The following GRIK1 variants were observed in gnomAD, a reference collection of about 807,000 sequenced individuals.
GRIK1 encodes the protein glutamate receptor ionotropic, kainate 1.
A neutral mutation model predicts 105.7 loss-of-function variants in GRIK1; 69 were observed. The ratio of observed to expected loss-of-function variants is 0.65; its 90% CI spans 0.54 to 0.80. GRIK1 has a LOEUF of 0.80. GRIK1 is among the 30% of genes least tolerant of loss of function. The pLI, the probability that GRIK1 is intolerant of heterozygous loss-of-function variation, is 0.00. For missense variants in GRIK1, 1,109 were observed against 1,167.3 expected, an observed-to-expected ratio of 0.95 and a Z score of 0.73; for synonymous variants, 438 against 431.3, an observed-to-expected ratio of 1.02 and a Z score of -0.19.
intron 9 of GRIK1, among the ~76,000 whole-genome samples, chr21:29,595,595 G>A: frequency 6.6e-6 from 1 of 152,142 alleles, no homozygotes; most frequent in East Asian, 1.9e-4. Context: ...CTGTGACATA[G>A]CTGATAATTT....
intron 3 of GRIK1, among the ~76,000 whole-genome samples, chr21:29,684,287 TATCTATCTATC>T (rs1328383498): frequency 2.8e-5 from 4 of 141,466 alleles, no homozygotes; most frequent in Non-Finnish European, 6.4e-5. Context: ...TCTATCTATC[TATCTATCTATC>T]ATCTATCTAC....
intron 1 of GRIK1, among the ~76,000 whole-genome samples, chr21:29,714,231 T>C (rs1224372214): frequency 6.6e-6 from 1 of 152,152 alleles, no homozygotes; most frequent in Non-Finnish European, 1.5e-5. Context: ...CTTTACACAC[T>C]CTTCCCATGA....
chr21:29,939,753 C>T lies in GRIK1; in HGVS notation c.-253G>A. ...CTCCTCCTCCTCCTCTTCCATGGGC[C>T]GCAGACCGCGGAGGATCAGCGCTCT... On this transcript the variant is annotated 5_prime_UTR_variant, in exon 1 of 18. Coordinates refer to ENST00000327783, the MANE Select transcript of GRIK1 (RefSeq NM_001330994.2). 2.7e-6 allele frequency: 1 copy of T among 367,270 alleles called. No individual in the cohort carries two copies. Among genetic ancestry groups the T allele is most frequent in the Non-Finnish European group, 4.9e-6 (1 of 205,730 alleles). 22.8% of individuals were successfully genotyped at this position (367,270 alleles called of 1,614,324 possible).
chr21:29,853,091 A>AT (rs1437503661), intron 1 of GRIK1, among the ~76,000 whole-genome samples: 4 of 152,218 alleles, frequency 2.6e-5, no homozygotes, highest in African/African-American at 9.6e-5. Flanking sequence ...TCACTGAACA[A>AT]TTTAAGTAAA....
chr21:29,803,146 A>G (rs1459285493), intron 1 of GRIK1, among the ~76,000 whole-genome samples: 3 of 152,146 alleles, frequency 2.0e-5, no homozygotes, highest in Admixed American at 2.0e-4. Context: ...TGGTGGTCAG[A>G]TGTAAAGTAA....
chr21:29,588,698 C>G (rs576204891), intron 11 of GRIK1, 141 bp downstream of exon 11: 85 of 618,382 alleles, frequency 1.4e-4, no homozygotes, highest in African/African-American at 1.2e-3. Flanking sequence ...TAAGCAAACT[C>G]CATTTCCAGG....
intron 13 of GRIK1, among the ~76,000 whole-genome samples, chr21:29,577,561 T>C (rs945055524): frequency 6.6e-6 from 1 of 152,246 alleles, no homozygotes; most frequent in African/African-American, 2.4e-5. Flanking sequence ...TTTGTATAAC[T>C]ATGAAAATAT....
intron 1 of GRIK1, among the ~76,000 whole-genome samples, chr21:29,872,512 A>G (rs1012738206): frequency 6.6e-6 from 1 of 152,118 alleles, no homozygotes; most frequent in African/African-American, 2.4e-5. Context: ...ATATAACTCA[A>G]AGTCGCCTCA....
At chr21:29,669,984 A>G (rs2063133292) in intron 4 of GRIK1, among the ~76,000 whole-genome samples, 1 of 152,124 alleles carries the variant, frequency 6.6e-6, no homozygotes, top group African/African-American at 2.4e-5. Context: ...AAAAGTTCTG[A>G]TGTCTCCAAT....
At chr21:29,708,739 C>G (rs967575548) in intron 1 of GRIK1, among the ~76,000 whole-genome samples, 2 of 152,202 alleles carry the variant, frequency 1.3e-5, no homozygotes, top group East Asian at 3.8e-4. Context: ...AACAGACTCA[C>G]TACAGCCATT....
rs375794566 is a variant in GRIK1 at position 29,561,683 on chromosome 21, T to C, written c.2297A>G (p.Asn766Ser). 8 of 1,614,120 alleles carry C rather than the reference T, an allele frequency of 5.0e-6. No individual in the cohort carries two copies. The highest frequency in any genetic ancestry group is 1.1e-5 in the South Asian group (1 of 91,076). The change falls in exon 15 of 18, where the codon AAC becomes AGC. Residue 766 changes from asparagine (N) to serine (S), a missense_variant. This residue lies in a region of GRIK1 where 264 missense variants were observed against 306.9 expected (regional missense o/e 0.86). Transcript: ENST00000327783. ...AATGAGGCCCCCGATCTGAGTGAGG[T>C]TGCAGTTTCTCTGCGTCACATACTC... Reference protein sequence around the residue: ...SIEYVTQRNCNLTQIGGLIDS... With the variant: ...SIEYVTQRNCSLTQIGGLIDS...
At chr21:29,884,854 A>G (rs1408403084) in intron 1 of GRIK1, among the ~76,000 whole-genome samples, 1 of 152,050 alleles carries the variant, frequency 6.6e-6, no homozygotes, top group East Asian at 1.9e-4. Context: ...CTGGAAGGGA[A>G]TCTTCAACAG....
At chr21:29,886,481 A>C (rs2069634005) in intron 1 of GRIK1, among the ~76,000 whole-genome samples, 1 of 152,152 alleles carries the variant, frequency 6.6e-6, no homozygotes, top group East Asian at 1.9e-4. Context: ...AAAGCATTCC[A>C]ACACACTTAT....
chr21:29,896,971 G>A (rs1325537921), intron 1 of GRIK1, among the ~76,000 whole-genome samples: 2 of 152,086 alleles, frequency 1.3e-5, no homozygotes, highest in Non-Finnish European at 2.9e-5. Flanking sequence ...GGTTCCAAAA[G>A]GTGAGGCAAA....
At chr21:29,801,291 G>A (rs180998600) in intron 1 of GRIK1, among the ~76,000 whole-genome samples, 8 of 151,346 alleles carry the variant, frequency 5.3e-5, no homozygotes, top group African/African-American at 1.9e-4. Flanking sequence ...GGTAAAAACC[G>A]CAATTACTTT....
chr21:29,581,391 G>A (rs772368882), intron 13 of GRIK1, 34 bp downstream of exon 13: 33 of 1,175,156 alleles, frequency 2.8e-5, no homozygotes, highest in Non-Finnish European at 3.8e-5. Flanking sequence ...GCACACTGTG[G>A]GATGCGTGTG....
intron 1 of GRIK1, among the ~76,000 whole-genome samples, chr21:29,751,597 C>G (rs1051404173): frequency 3.3e-5 from 5 of 152,182 alleles, no homozygotes; most frequent in African/African-American, 1.2e-4. Flanking sequence ...GGAGAACTTG[C>G]AATTGCATGC....
chr21:29,751,197 A>T (rs867547045), intron 1 of GRIK1, among the ~76,000 whole-genome samples: 6 of 152,240 alleles, frequency 3.9e-5, no homozygotes, highest in Non-Finnish European at 8.8e-5. Context: ...CACAGGGGAT[A>T]TGATGGCTTA....
At chr21:29,679,753 T>G (rs1409670600) in intron 3 of GRIK1, among the ~76,000 whole-genome samples, 2 of 152,222 alleles carry the variant, frequency 1.3e-5, no homozygotes, top group Non-Finnish European at 2.9e-5. Context: ...ATTAGCATTT[T>G]GAGTTAATTT....
Sources: gnomAD v4.1 joint callset for allele counts (sites outside exome capture counted in the v4.1 genomes callset) on GRCh38, gnomAD v4.1.1 for gene constraint, gnomAD v4.1.1 regional missense constraint, MANE v1.5 for transcripts, NCBI Gene and HGNC (gene_info 2026-07-23, HGNC 2026-07-21) for gene names.